GOLIM4: variants seen among roughly 807,000 people sequenced by gnomAD.
The protein encoded by GOLIM4 is golgi integral membrane protein 4, also known as 130 kDa golgi-localized phosphoprotein.
Under a neutral mutation model 107.4 loss-of-function variants are expected in GOLIM4, and 71 were observed. The observed-to-expected ratio is 0.66, with a 90% CI of 0.55 to 0.81. The LOEUF (loss-of-function observed/expected upper bound fraction) is 0.81. Among genes scored for constraint, GOLIM4 ranks in the 30% least tolerant of loss-of-function variants. GOLIM4 has a pLI of 0.00. For missense variants in GOLIM4, 830 were observed against 826.1 expected (o/e 1.00, Z -0.06); for synonymous variants, 327 against 294.8 (o/e 1.11, Z -1.12).
In GOLIM4 at chr3:168,010,784, C is replaced by G; in HGVS notation, c.1900G>C (p.Glu634Gln). 1 of 1,612,524 alleles carries G rather than the reference C, an allele frequency of 6.2e-7. No individual in the cohort carries two copies. Among genetic ancestry groups the G allele is most frequent in the Non-Finnish European group, 8.5e-7 (1 of 1,178,960 alleles). The part of the protein sequence containing the change: ...DLTEEKKREL[E>Q]HNAEETYGEN... ...CCATAGGTCTCTTCAGCATTATGCT[C>G]CAGTTCCCTTTTTTTCTCTTCAGTC... The change falls in exon 15 of 16, where the codon GAG becomes CAG. Residue 634 changes from glutamate (E) to glutamine (Q), a missense_variant. By Grantham distance (29) the Glu-to-Gln change is conservative. Coordinates refer to ENST00000470487, the MANE Select transcript of GOLIM4 (RefSeq NM_014498.5).
At chr3:168,061,512 G>A (rs1345632115) in intron 1 of GOLIM4, among the ~76,000 whole-genome samples, 2 of 152,132 alleles carry the variant, frequency 1.3e-5, no homozygotes, top group South Asian at 4.1e-4. Flanking sequence ...AAGTCATATA[G>A]GAGAGTTTTA....
chr3:168,037,009 C>A lies in GOLIM4; in HGVS notation c.685-15G>T, dbSNP rs1284215247. ...GCAACTTGAGTCTGCATATAAATTG[C>A]ACAATTTGAGGAGGGAATCTATGAA... On this transcript the variant is annotated splice_polypyrimidine_tract_variant and intron_variant, in intron 7 of 15. Transcript: ENST00000470487. 1 of 1,323,976 alleles carries A rather than the reference C, an allele frequency of 7.6e-7. No individual in the cohort carries two copies. The allele number at this position is 1,323,976 out of a possible 1,614,324, so 82.0% of individuals were successfully genotyped here.
chr3:168,076,104 C>T (rs1721071777), intron 1 of GOLIM4, among the ~76,000 whole-genome samples: 2 of 152,128 alleles, frequency 1.3e-5, no homozygotes, highest in African/African-American at 4.8e-5. Context: ...ACGACATCTG[C>T]CTTTATAAAT....
chr3:168,052,006 A>T (rs1719675584), intron 1 of GOLIM4, among the ~76,000 whole-genome samples: 1 of 152,104 alleles, frequency 6.6e-6, no homozygotes, highest in Non-Finnish European at 1.5e-5. Context: ...AGAGGGAGAG[A>T]GGCAGGTGCT....
At chr3:168,052,724 T>C (rs1463998241) in intron 1 of GOLIM4, among the ~76,000 whole-genome samples, 2 of 152,136 alleles carry the variant, frequency 1.3e-5, no homozygotes, top group African/African-American at 4.8e-5. Flanking sequence ...GGTTTACTGT[T>C]TCACTTAGAA....
At chr3:168,084,426 C>T (rs2177150) in intron 1 of GOLIM4, among the ~76,000 whole-genome samples, 27,242 of 152,086 alleles carry the variant, frequency 0.18, 3,879 homozygotes, top group African/African-American at 0.4. Context: ...TGGCAGGCCC[C>T]AGATGAGTGT....
At chr3:168,055,990 G>A (rs532603861) in intron 1 of GOLIM4, among the ~76,000 whole-genome samples, 7 of 152,312 alleles carry the variant, frequency 4.6e-5, no homozygotes, top group East Asian at 3.9e-4. Flanking sequence ...AAATGTTAAC[G>A]ACCAAGACAA....
At chr3:168,049,484 G>C (rs919052773) in intron 1 of GOLIM4, among the ~76,000 whole-genome samples, 2 of 152,110 alleles carry the variant, frequency 1.3e-5, no homozygotes, top group Non-Finnish European at 2.9e-5. Context: ...TTAAAATTCT[G>C]ATCTACCCTT....
intron 3 of GOLIM4, 30 bp downstream of exon 3, chr3:168,046,920 A>G (rs1471086045): frequency 1.4e-5 from 17 of 1,203,002 alleles, no homozygotes; most frequent in Non-Finnish European, 1.9e-5. Context: ...AAGGAAAACA[A>G]ACAACCACAA....
At chr3:168,087,056 G>A (rs1443362843) in intron 1 of GOLIM4, among the ~76,000 whole-genome samples, 1 of 152,100 alleles carries the variant, frequency 6.6e-6, no homozygotes. Flanking sequence ...ATCAGTCAAT[G>A]CATTCCTAAA....
intron 1 of GOLIM4, among the ~76,000 whole-genome samples, chr3:168,052,458 C>T (rs886219403): frequency 2.7e-4 from 41 of 152,100 alleles, no homozygotes; most frequent in African/African-American, 9.2e-4. Context: ...AAGGCAATGA[C>T]ATTGGTCTCA....
chr3:168,035,302 C>G (rs1718583586), intron 8 of GOLIM4, among the ~76,000 whole-genome samples: 1 of 152,238 alleles, frequency 6.6e-6, no homozygotes, highest in Non-Finnish European at 1.5e-5. Context: ...AATCCCATTA[C>G]TGGGTATATG....
intron 1 of GOLIM4, among the ~76,000 whole-genome samples, chr3:168,090,475 T>C (rs1374351362): frequency 6.6e-6 from 1 of 152,142 alleles, no homozygotes; most frequent in Non-Finnish European, 1.5e-5. Context: ...TGAGATACCA[T>C]CTTACACTAG....
In GOLIM4 at chr3:168,032,580, C is replaced by G. The variant is rs759697437; in HGVS notation, c.1116G>C (p.Trp372Cys). 12 of 1,614,090 alleles carry G rather than the reference C, an allele frequency of 7.4e-6. No homozygotes were observed. The South Asian group carries it at 1.2e-4, about 16-fold the overall frequency. Reference protein sequence around the residue: ...DPSPEEQDREWKEQHEQREAA... With the variant: ...DPSPEEQDRECKEQHEQREAA... ...CTTCTCGTTGCTCATGCTGCTCTTTCCACTCCCGATCCTGCTCCTCTGGTG... is the reference window on the plus strand; with the variant it reads ...CTTCTCGTTGCTCATGCTGCTCTTTGCACTCCCGATCCTGCTCCTCTGGTG... Residue 372 changes from tryptophan to cysteine, a missense_variant, in exon 9 of 16, where the codon TGG (tryptophan) becomes TGC (cysteine). By Grantham distance (215) the Trp-to-Cys change is radical. Coordinates refer to ENST00000470487, the MANE Select transcript of GOLIM4 (RefSeq NM_014498.5).
chr3:168,039,463 C>T (rs1360175496), intron 7 of GOLIM4, among the ~76,000 whole-genome samples: 1 of 151,906 alleles, frequency 6.6e-6, no homozygotes, highest in Non-Finnish European at 1.5e-5. Flanking sequence ...GGGGTTTCAC[C>T]ATGTTGGCCA....
intron 1 of GOLIM4, among the ~76,000 whole-genome samples, chr3:168,056,093 G>A (rs1361155206): frequency 6.6e-6 from 1 of 152,188 alleles, no homozygotes. Context: ...TGGTTTCATG[G>A]GCCAGGCCCA....
chr3:168,046,875 A>G, intron 3 of GOLIM4, 75 bp downstream of exon 3: 4 of 773,384 alleles, frequency 5.2e-6, no homozygotes, highest in Non-Finnish European at 8.1e-6. Flanking sequence ...TCGCAACTGT[A>G]TTTCTCTCTC....
chr3:168,010,916 A>G (rs1716974948), intron 14 of GOLIM4, 93 bp from the exon 15 acceptor site: 2 of 884,112 alleles, frequency 2.3e-6, no homozygotes, highest in Admixed American at 2.0e-5. Context: ...AAGACTTGCA[A>G]TAATATATTT....
At chr3:168,025,979 C>T (rs1717975357) in intron 12 of GOLIM4, among the ~76,000 whole-genome samples, 1 of 152,150 alleles carries the variant, frequency 6.6e-6, no homozygotes, top group African/African-American at 2.4e-5. Flanking sequence ...ACTCGCAGGT[C>T]ATCAATAGGA....
Sources: allele counts gnomAD v4.1 joint callset (sites outside exome capture counted in the v4.1 genomes callset), GRCh38; gene constraint gnomAD v4.1.1; transcripts MANE v1.5; gene names NCBI Gene and HGNC (gene_info 2026-07-23, HGNC 2026-07-21).